The following PRKD1 variants were observed in gnomAD, a reference collection of about 807,000 sequenced individuals.
PRKD1 encodes the protein serine/threonine-protein kinase D1.
PRKD1 carries 63 observed loss-of-function variants against 95.9 expected under a neutral mutation model. That is an observed-to-expected ratio of 0.66 (90% CI 0.54 to 0.81). The LOEUF (loss-of-function observed/expected upper bound fraction) is 0.81. PRKD1 is among the 30% of genes least tolerant of loss of function. The pLI is 0.00. For missense variants in PRKD1, 1,048 were observed against 1,165.3 expected (o/e 0.90, Z 1.47); for synonymous variants, 425 against 423.1 (o/e 1.00, Z -0.05).
At chr14:29,742,280 A>G (rs1489514300) in intron 1 of PRKD1, among the ~76,000 whole-genome samples, 1 of 152,146 alleles carries the variant, frequency 6.6e-6, no homozygotes, top group Non-Finnish European at 1.5e-5. Context: ...CCCCAACATT[A>G]GTGACGTTTA....
chr14:29,792,372 T>C (rs1889588201), intron 1 of PRKD1, among the ~76,000 whole-genome samples: 1 of 152,104 alleles, frequency 6.6e-6, no homozygotes, highest in Non-Finnish European at 1.5e-5. Flanking sequence ...ATTTTAATAC[T>C]ATAATTCTGT....
intron 1 of PRKD1, among the ~76,000 whole-genome samples, chr14:29,865,123 T>C (rs1892844360): frequency 6.6e-6 from 1 of 152,184 alleles, no homozygotes; most frequent in African/African-American, 2.4e-5. Flanking sequence ...AAAAACTTAC[T>C]GGACACTAAT....
At chr14:29,597,789 C>T (rs1296658983) in intron 15 of PRKD1, 31 bp from the exon 16 acceptor site, 11 of 1,583,362 alleles carry the variant, frequency 6.9e-6, no homozygotes, top group East Asian at 6.7e-5. Context: ...AGAAATACTC[C>T]GTTCACAATT....
At chr14:29,863,522 A>T (rs753927338) in intron 1 of PRKD1, among the ~76,000 whole-genome samples, 5 of 152,190 alleles carry the variant, frequency 3.3e-5, no homozygotes, top group Non-Finnish European at 7.4e-5. Context: ...AAAACAAACA[A>T]GCATGGATTT....
intron 4 of PRKD1, among the ~76,000 whole-genome samples, chr14:29,652,188 G>C (rs1254946300): frequency 6.6e-6 from 1 of 152,154 alleles, no homozygotes; most frequent in Non-Finnish European, 1.5e-5. Flanking sequence ...CCTAACAGTG[G>C]AAGGCTCTGT....
Position 29,745,617 on chromosome 14 carries a change from T to C in PRKD1, c.265-19943A>G, listed in dbSNP as rs928292535. Among the ~76,000 whole-genome samples, 5 of 152,108 alleles carry C rather than the reference T, an allele frequency of 3.3e-5. No homozygotes were observed. In the East Asian group the frequency reaches 7.8e-4, roughly 24 times the overall value. ...CTGAGTAGCTAGGACTACAGGCACA[T>C]GCCGCCATGCCCAACTAATTATTAT... is the stretch of plus-strand genomic sequence containing the variant. On this transcript the variant is annotated intron_variant, in intron 1 of 17. Coordinates refer to ENST00000331968, the MANE Select transcript of PRKD1 (RefSeq NM_002742.3).
chr14:29,807,387 T>G (rs968798517), intron 1 of PRKD1, among the ~76,000 whole-genome samples: 5 of 151,804 alleles, frequency 3.3e-5, no homozygotes, highest in Non-Finnish European at 7.4e-5. Flanking sequence ...CTGTAGCAAT[T>G]TCCTCTTTTT....
chr14:29,761,152 C>G (rs1887959757), intron 1 of PRKD1, among the ~76,000 whole-genome samples: 1 of 152,086 alleles, frequency 6.6e-6, no homozygotes, highest in Non-Finnish European at 1.5e-5. Flanking sequence ...TTTAAGCAAC[C>G]AGTATTAAAA....
At chr14:29,751,497 A>G (rs1040790862) in intron 1 of PRKD1, among the ~76,000 whole-genome samples, 3 of 152,206 alleles carry the variant, frequency 2.0e-5, no homozygotes, top group Non-Finnish European at 2.9e-5. Flanking sequence ...TGTGACCAAG[A>G]GGATAAAGTC....
intron 2 of PRKD1, among the ~76,000 whole-genome samples, chr14:29,706,421 A>G (rs1456749443): frequency 6.6e-6 from 1 of 152,180 alleles, no homozygotes; most frequent in Non-Finnish European, 1.5e-5. Context: ...TTAAAAACCC[A>G]CACTAACATC....
chr14:29,731,213 A>G (rs1471460283), intron 1 of PRKD1, among the ~76,000 whole-genome samples: 1 of 152,170 alleles, frequency 6.6e-6, no homozygotes, highest in East Asian at 1.9e-4. Flanking sequence ...TGGGTTATTC[A>G]GAAGAGTGTT....
intron 1 of PRKD1, among the ~76,000 whole-genome samples, chr14:29,887,422 T>C (rs1893751439): frequency 6.6e-6 from 1 of 152,192 alleles, no homozygotes; most frequent in Non-Finnish European, 1.5e-5. Context: ...ATTAGACCAA[T>C]ATTACTTTCA....
At chr14:29,643,754 G>A (rs941009018) in intron 4 of PRKD1, among the ~76,000 whole-genome samples, 7 of 152,160 alleles carry the variant, frequency 4.6e-5, no homozygotes, top group Admixed American at 3.9e-4. Flanking sequence ...TTTACTTGTG[G>A]TTTGTTTATT....
intron 8 of PRKD1, among the ~76,000 whole-genome samples, chr14:29,633,869 A>T (rs1468611714): frequency 6.6e-6 from 1 of 152,156 alleles, no homozygotes; most frequent in African/African-American, 2.4e-5. Flanking sequence ...CAATACAGTA[A>T]CAGAAATCAG....
chr14:29,876,285 G>T (rs976347756), intron 1 of PRKD1, among the ~76,000 whole-genome samples: 1 of 152,106 alleles, frequency 6.6e-6, no homozygotes, highest in African/African-American at 2.4e-5. Context: ...GTCATTTTTG[G>T]AAAGGCAAAA....
intron 1 of PRKD1, among the ~76,000 whole-genome samples, chr14:29,761,780 CTT>C (rs751775466): frequency 0.16 from 20,938 of 134,736 alleles, 1,483 homozygotes; most frequent in South Asian, 0.21. Context: ...GATGTTCTTT[CTT>C]TTTTTTTTTT....
intron 1 of PRKD1, among the ~76,000 whole-genome samples, chr14:29,802,394 T>C (rs1002337498): frequency 6.6e-6 from 1 of 152,164 alleles, no homozygotes; most frequent in South Asian, 2.1e-4. Context: ...TATGAGACTA[T>C]AAAGGCTCAA....
intron 1 of PRKD1, among the ~76,000 whole-genome samples, chr14:29,842,498 T>C (rs1891895467): frequency 2.0e-5 from 3 of 152,216 alleles, no homozygotes; most frequent in Admixed American, 2.0e-4. Context: ...GTATAGGCAG[T>C]CCATTGTTGA....
At chr14:29,651,433 A>T (rs1449847326) in intron 4 of PRKD1, among the ~76,000 whole-genome samples, 2 of 152,304 alleles carry the variant, frequency 1.3e-5, no homozygotes, top group East Asian at 3.9e-4. Flanking sequence ...ACTCTTTTTG[A>T]GAAGGCAAGA....
Sources: allele counts gnomAD v4.1 joint callset (sites outside exome capture counted in the v4.1 genomes callset), GRCh38; gene constraint gnomAD v4.1.1; transcripts MANE v1.5; gene names NCBI Gene and HGNC (gene_info 2026-07-23, HGNC 2026-07-21).